Variants in ZSCAN20 observed in about 807,000 individuals in gnomAD.
ZSCAN20 encodes the protein zinc finger and SCAN domain containing 20.
Under a neutral mutation model 97.1 loss-of-function variants are expected in ZSCAN20, and 39 were observed. The ratio of observed to expected loss-of-function variants is 0.40; its 90% CI spans 0.31 to 0.52. ZSCAN20 has a LOEUF of 0.52. Among genes scored for constraint, ZSCAN20 ranks in the 20% least tolerant of loss-of-function variants. The probability of loss-of-function intolerance (pLI) is 0.49; values close to 1 mark genes in which losing one functional copy is unlikely to be tolerated. For missense variants in ZSCAN20, 1,115 were observed against 1,290.4 expected (o/e 0.86, Z 2.08); for synonymous variants, 456 against 467.3 (o/e 0.98, Z 0.31).
Position 33,489,125 on chromosome 1 carries a change from T to C in ZSCAN20, c.615T>C (p.Thr205=), listed in dbSNP as rs778460329. 12 of 1,612,638 alleles carry C rather than the reference T, an allele frequency of 7.4e-6. No homozygotes were observed. The East Asian group carries it at 2.7e-4, about 36-fold the overall frequency. The part of the protein sequence containing the change: ...PQPLKESAVL[T]PRVPTLPKMG... ...TTTTCTTTTCCTCAGCTGTCCTCACTCCCCGAGTCCCTACTCTCCCAAAGA... is the reference window on the plus strand; with the variant it reads ...TTTTCTTTTCCTCAGCTGTCCTCACCCCCCGAGTCCCTACTCTCCCAAAGA... Residue 205 remains threonine, a synonymous_variant, in exon 4 of 8, where the codon ACT becomes ACC. Coordinates refer to ENST00000684572, the MANE Select transcript of ZSCAN20 (RefSeq NM_001377376.1).
chr1:33,489,444 G>A (rs1652507356), intron 4 of ZSCAN20, 74 bp from the exon 5 acceptor site: 2 of 1,467,460 alleles, frequency 1.4e-6, no homozygotes, highest in African/African-American at 2.8e-5. Flanking sequence ...ATCTTTCCTG[G>A]GAGCCTGCTA....
At chr1:33,481,115 T>C (rs2148452130) in intron 2 of ZSCAN20, among the ~76,000 whole-genome samples, 1 of 152,322 alleles carries the variant, frequency 6.6e-6, no homozygotes, top group African/African-American at 2.4e-5. Context: ...TGATTGAAGA[T>C]ACAGGGAGAC....
Position 33,491,210 on chromosome 1 carries a change from G to A in ZSCAN20, c.952G>A (p.Asp318Asn). Reference protein sequence around the residue: ...WEEQYQWDVEDMKVSGVHWGY... With the variant: ...WEEQYQWDVENMKVSGVHWGY... ...GGAACAATACCAGTGGGATGTGGAGGACATGAAGGTGTCAGGTGTTCACTG... is the reference window on the plus strand; with the variant it reads ...GGAACAATACCAGTGGGATGTGGAGAACATGAAGGTGTCAGGTGTTCACTG... Residue 318 changes from aspartate to asparagine, a missense_variant, in exon 6 of 8, where the codon GAC becomes AAC. Coordinates refer to ENST00000684572, the MANE Select transcript of ZSCAN20 (RefSeq NM_001377376.1). The surrounding 1 kb of genome is among the most constrained non-coding windows in gnomAD (Gnocchi z 4.3). 6.2e-7 allele frequency: 1 copy of A among 1,614,176 alleles called. No individual in the cohort carries two copies.
rs1460385964 is a variant in ZSCAN20 at position 33,497,220 on chromosome 1, T to C, written c.*1744T>C. 6.6e-6 allele frequency among the ~76,000 whole-genome samples: 1 copy of C among 152,190 alleles called. No individual in the cohort carries two copies. The highest frequency in any genetic ancestry group is 1.5e-5 in the Non-Finnish European group (1 of 68,024). Reference sequence around the variant, plus strand: ...CCCCTTCCCCTGCTTCAGAACCTCCTTTCCCAAGAACCAGCCCCACTAGGA... The same window carrying C: ...CCCCTTCCCCTGCTTCAGAACCTCCCTTCCCAAGAACCAGCCCCACTAGGA... On this transcript the variant is annotated 3_prime_UTR_variant, in exon 8 of 8. Coordinates refer to ENST00000684572, the MANE Select transcript of ZSCAN20 (RefSeq NM_001377376.1).
In ZSCAN20 at chr1:33,491,882, A is replaced by C; in HGVS notation, c.1444+180A>C. 2 of 550,312 alleles carry C rather than the reference A, an allele frequency of 3.6e-6. No homozygotes were observed. The highest frequency in any genetic ancestry group is 1.0e-4 in the South Asian group (2 of 19,852). The allele number at this position is 550,312 out of a possible 1,614,324, so 34.1% of individuals were successfully genotyped here. A position where few individuals can be genotyped will look rare whatever the true frequency, so the allele number is the denominator to read the frequency against. On this transcript the variant is annotated intron_variant, in intron 6 of 7. Coordinates refer to ENST00000684572, the MANE Select transcript of ZSCAN20 (RefSeq NM_001377376.1). This position sits in a 1 kb window ranked among gnomAD's most constrained non-coding sequence, Gnocchi z 4.3. ...TTTTCCCATGACCAAGTCTCTTTGC[A>C]AAAGTCTTCTTAGTTATAGAAGCAA...
At chr1:33,475,859 A>G (rs7554713) in intron 1 of ZSCAN20, among the ~76,000 whole-genome samples, 2,575 of 149,230 alleles carry the variant, frequency 0.017, 69 homozygotes, top group African/African-American at 0.059. Flanking sequence ...TAGTAGAGAC[A>G]GGGTTTCACC....
chr1:33,482,160 T>C (rs769190381), intron 2 of ZSCAN20, among the ~76,000 whole-genome samples: 6 of 152,228 alleles, frequency 3.9e-5, no homozygotes. Flanking sequence ...TAGTAACATG[T>C]ATCTACCATT....
In ZSCAN20 at chr1:33,498,294, TGTC is replaced by T; in HGVS notation, c.*2819_*2821del. Among the ~76,000 whole-genome samples the T allele has an allele frequency of 6.6e-6, 1 of 152,228 alleles. No individual in the cohort carries two copies. The highest frequency in any genetic ancestry group is 6.5e-5 in the Admixed American group (1 of 15,288). ...TCCCCTGGGTTTGGTAGTGTGTTAG[TGTC>T]TCATATCTTTAGTGAACAGTTTTGA... On this transcript the variant is annotated 3_prime_UTR_variant, in exon 8 of 8. Transcript: ENST00000684572.
At chr1:33,478,728 A>AG (rs1409002382) in intron 1 of ZSCAN20, among the ~76,000 whole-genome samples, 6 of 152,122 alleles carry the variant, frequency 3.9e-5, no homozygotes, top group Admixed American at 6.5e-5. Context: ...GGCCTTAGGA[A>AG]GGGGGTGACA....
intron 1 of ZSCAN20, among the ~76,000 whole-genome samples, chr1:33,477,656 T>C (rs1261465465): frequency 6.7e-6 from 1 of 148,832 alleles, no homozygotes; most frequent in African/African-American, 2.5e-5. Context: ...ATTTATTTTT[T>C]ATCTAGTGTG....
chr1:33,494,897 A>G lies in ZSCAN20; in HGVS notation c.2553A>G (p.Glu851=), dbSNP rs778266614. ...ATTCTACAGAAGAGACAGCTCCTGA[A>G]CAACCTCAAAGTATCAGTAAGGACT... The part of the protein sequence containing the change: ...WRNSTEETAP[E]QPQSISKDLN... The change falls in exon 8 of 8, where the codon GAA becomes GAG. Residue 851 remains glutamate, a synonymous_variant. Coordinates refer to ENST00000684572, the MANE Select transcript of ZSCAN20 (RefSeq NM_001377376.1). The G allele has an allele frequency of 6.2e-7, 1 of 1,614,242 alleles. No homozygotes were observed. The highest frequency in any genetic ancestry group is 8.5e-7 in the Non-Finnish European group (1 of 1,180,046).
Position 33,497,187 on chromosome 1 carries a change from C to T in ZSCAN20, c.*1711C>T, listed in dbSNP as rs1389763715. Reference sequence around the variant, plus strand: ...TTGCTACTCCCACAGAGTGATATCCCTTCTTAACCCCTTCCCCTGCTTCAG... The same window carrying T: ...TTGCTACTCCCACAGAGTGATATCCTTTCTTAACCCCTTCCCCTGCTTCAG... On this transcript the variant is annotated 3_prime_UTR_variant, in exon 8 of 8. Coordinates refer to ENST00000684572, the MANE Select transcript of ZSCAN20 (RefSeq NM_001377376.1). 2.0e-5 allele frequency among the ~76,000 whole-genome samples: 3 copies of T among 152,162 alleles called. No individual in the cohort carries two copies. Among genetic ancestry groups the T allele is most frequent in the Non-Finnish European group, 4.4e-5 (3 of 68,030 alleles).
chr1:33,493,395 G>A lies in ZSCAN20; in HGVS notation c.1653G>A (p.Lys551=), dbSNP rs746713998. The change falls in exon 7 of 8, where the codon AAG becomes AAA. Residue 551 remains lysine, a synonymous_variant. Transcript: ENST00000684572. This position sits in a 1 kb window ranked among gnomAD's most constrained non-coding sequence, Gnocchi z 4.3. The part of the protein sequence containing the change: ...KNLLRSYRKA[K]SSHPPGTCPF... ...TCCTTCGAAGCTACCGGAAAGCCAA[G>A]AGCAGCCACCCACCAGGGACATGCC... is the stretch of plus-strand genomic sequence containing the variant. 8.2e-5 allele frequency: 133 copies of A among 1,614,216 alleles called. 4 individuals carry two copies. In the South Asian group the frequency reaches 1.2e-3, roughly 15 times the overall value.
At position 33,491,528 on chromosome 1, in the gene ZSCAN20, G is replaced by C. The variant is rs1329273051; in HGVS notation, c.1270G>C (p.Ala424Pro). 1 of 1,614,080 alleles carries C rather than the reference G, an allele frequency of 6.2e-7. No individual in the cohort carries two copies. Among genetic ancestry groups the C allele is most frequent in the Non-Finnish European group, 8.5e-7 (1 of 1,179,952 alleles). The change falls in exon 6 of 8, where the codon GCC becomes CCC. Residue 424 changes from alanine (A) to proline (P), a missense_variant. This residue lies in a region of ZSCAN20 where 508 missense variants were observed against 611.2 expected (regional missense o/e 0.83). Coordinates refer to ENST00000684572, the MANE Select transcript of ZSCAN20 (RefSeq NM_001377376.1). This position sits in a 1 kb window ranked among gnomAD's most constrained non-coding sequence, Gnocchi z 4.3. Reference sequence around the variant, plus strand: ...CAGAGCCACAGATGGCCCAGGAGAGGCCGTGGCACTTCCCAGGCTCGGGTA... The same window carrying C: ...CAGAGCCACAGATGGCCCAGGAGAGCCCGTGGCACTTCCCAGGCTCGGGTA... ...AIRATDGPGE[A>P]VALPRLGYSD...
chr1:33,485,924 C>T (rs1264126510), intron 2 of ZSCAN20, among the ~76,000 whole-genome samples: 1 of 152,106 alleles, frequency 6.6e-6, no homozygotes, highest in East Asian at 1.9e-4. Flanking sequence ...TGTCCCTGGA[C>T]TCTGACCTTT....
intron 2 of ZSCAN20, among the ~76,000 whole-genome samples, chr1:33,488,246 A>G (rs1652445132): frequency 6.6e-6 from 1 of 152,152 alleles, no homozygotes. Flanking sequence ...ACTCTCATTG[A>G]AACACTTGGA....
At chr1:33,480,540 T>A (rs1325516674) in intron 2 of ZSCAN20, among the ~76,000 whole-genome samples, 1 of 152,172 alleles carries the variant, frequency 6.6e-6, no homozygotes, top group Non-Finnish European at 1.5e-5. Flanking sequence ...TTAGTTGACA[T>A]TTTGTGAGCA....
chr1:33,496,753 T>C lies in ZSCAN20; in HGVS notation c.*1277T>C, dbSNP rs972914962. On this transcript the variant is annotated 3_prime_UTR_variant, in exon 8 of 8. Coordinates refer to ENST00000684572, the MANE Select transcript of ZSCAN20 (RefSeq NM_001377376.1). ...TGGGAGGTGCTGGTGTATATGGTCATCTACTGAGAGGGCCTTGACCACTGT... is the reference window on the plus strand; with the variant it reads ...TGGGAGGTGCTGGTGTATATGGTCACCTACTGAGAGGGCCTTGACCACTGT... 6.6e-6 allele frequency among the ~76,000 whole-genome samples: 1 copy of C among 152,140 alleles called. No individual in the cohort carries two copies. Among genetic ancestry groups the C allele is most frequent in the Non-Finnish European group, 1.5e-5 (1 of 68,026 alleles).
rs760198714 is a variant in ZSCAN20, at chr1:33,491,256, C to T, written c.998C>T (p.Thr333Ile). The change falls in exon 6 of 8, where the codon ACT (threonine) becomes ATT (isoleucine). Residue 333 changes from threonine to isoleucine, a missense_variant. Physicochemically the swap from Thr to Ile is moderately conservative, Grantham distance 89. Around this residue, in one of 3 missense-constraint regions of ZSCAN20, gnomAD observed 508 missense variants for 611.2 expected, o/e 0.83. Coordinates refer to ENST00000684572, the MANE Select transcript of ZSCAN20 (RefSeq NM_001377376.1). The surrounding 1 kb of genome is among the most constrained non-coding windows in gnomAD (Gnocchi z 4.3). Reference sequence around the variant, plus strand: ...CACTGGGGCTATGAGGAGACCAAGACTTTCCTGGCAATTTTGAGTGAATCT... The same window carrying T: ...CACTGGGGCTATGAGGAGACCAAGATTTTCCTGGCAATTTTGAGTGAATCT... ...GVHWGYEETKTFLAILSESPF... is the reference protein window; with the variant it reads ...GVHWGYEETKIFLAILSESPF... 6.2e-7 allele frequency: 1 copy of T among 1,614,154 alleles called. No individual in the cohort carries two copies. The highest frequency in any genetic ancestry group is 8.5e-7 in the Non-Finnish European group (1 of 1,180,048).
Sources: allele counts gnomAD v4.1 joint callset (sites outside exome capture counted in the v4.1 genomes callset), GRCh38; gene constraint gnomAD v4.1.1; regional missense constraint gnomAD v4.1.1; non-coding constraint Gnocchi (gnomAD v3.1); transcripts MANE v1.5; gene names NCBI Gene and HGNC (gene_info 2026-07-23, HGNC 2026-07-21).